Variants in IFT88 observed in about 807,000 individuals in gnomAD.
IFT88 encodes the protein intraflagellar transport protein 88 homolog.
IFT88 carries 74 observed loss-of-function variants against 119.5 expected under a neutral mutation model. The ratio of observed to expected loss-of-function variants is 0.62; its 90% CI spans 0.51 to 0.75. IFT88 has a LOEUF of 0.75. Ranked by LOEUF, IFT88 falls within the 30% of genes least tolerant of loss-of-function variation. The pLI is 0.00. For missense variants in IFT88, 961 were observed against 977.7 expected (o/e 0.98, Z 0.23); for synonymous variants, 279 against 316.7 (o/e 0.88, Z 1.26).
intron 8 of IFT88, among the ~76,000 whole-genome samples, chr13:20,596,811 A>G (rs531446408): frequency 6.6e-5 from 10 of 152,284 alleles, no homozygotes; most frequent in African/African-American, 2.4e-4. Context: ...TGCTTTTACT[A>G]CTCATAGAAC....
intron 15 of IFT88, among the ~76,000 whole-genome samples, chr13:20,628,015 T>G (rs180853524): frequency 1.4e-4 from 22 of 152,310 alleles, no homozygotes; most frequent in African/African-American, 4.8e-4. Flanking sequence ...GTTTGTATAT[T>G]GTAAGTATTA....
chr13:20,661,761 C>T (rs761224552), intron 22 of IFT88, among the ~76,000 whole-genome samples: 1 of 151,300 alleles, frequency 6.6e-6, no homozygotes, highest in Non-Finnish European at 1.5e-5. Flanking sequence ...TATAAATGTA[C>T]AAGAACAAAG....
chr13:20,672,527 C>T (rs1213376171), intron 24 of IFT88, among the ~76,000 whole-genome samples: 1 of 152,136 alleles, frequency 6.6e-6, no homozygotes, highest in Non-Finnish European at 1.5e-5. Context: ...TTAATGGATC[C>T]GTGTGACTAT....
intron 16 of IFT88, 45 bp from the exon 17 acceptor site, chr13:20,638,287 G>A (rs746404271): frequency 3.9e-6 from 4 of 1,019,960 alleles, no homozygotes; most frequent in Non-Finnish European, 5.3e-6. Context: ...AGTCAGAAAA[G>A]GTATTTCATG....
At chr13:20,581,820 T>G (rs2038721601) in intron 2 of IFT88, among the ~76,000 whole-genome samples, 1 of 145,210 alleles carries the variant, frequency 6.9e-6, no homozygotes, top group African/African-American at 2.6e-5. Flanking sequence ...ACCACTGTAC[T>G]CCAGCTTGGA....
intron 17 of IFT88, among the ~76,000 whole-genome samples, chr13:20,640,550 G>A (rs2049747967): frequency 6.6e-6 from 1 of 150,724 alleles, no homozygotes; most frequent in Admixed American, 6.6e-5. Flanking sequence ...TCCAGCCTGG[G>A]CGACAGAGCG....
At chr13:20,645,053 G>C in intron 20 of IFT88, 95 bp downstream of exon 20, 1 of 555,994 alleles carries the variant, frequency 1.8e-6, no homozygotes, top group East Asian at 2.8e-5. Context: ...GTAAATTCAA[G>C]AACAGATGTT....
At chr13:20,645,595 A>ATT (rs2050621289) in intron 20 of IFT88, among the ~76,000 whole-genome samples, 1 of 152,170 alleles carries the variant, frequency 6.6e-6, no homozygotes, top group South Asian at 2.1e-4. Flanking sequence ...TTCATCTCTA[A>ATT]AAGAGTCTTA....
At chr13:20,656,471 CTCA>C (rs1437417446) in intron 22 of IFT88, 41 bp downstream of exon 22, 1 of 962,596 alleles carries the variant, frequency 1.0e-6, no homozygotes, top group Non-Finnish European at 1.6e-6. Context: ...GTGATAAGTT[CTCA>C]TATTTTATGT....
chr13:20,627,838 G>T (rs1219665764), intron 15 of IFT88, among the ~76,000 whole-genome samples: 1 of 150,292 alleles, frequency 6.7e-6, no homozygotes, highest in Non-Finnish European at 1.5e-5. Flanking sequence ...GTTAAAACCT[G>T]TTGAACTCAG....
chr13:20,585,664 A>G (rs188635715), intron 3 of IFT88, among the ~76,000 whole-genome samples: 2 of 152,322 alleles, frequency 1.3e-5, no homozygotes, highest in Non-Finnish European at 2.9e-5. Flanking sequence ...TAGACTGACC[A>G]GTGGCCAAAG....
At chr13:20,654,077 C>T (rs1181892924) in intron 21 of IFT88, 149 bp downstream of exon 21, 6 of 425,598 alleles carry the variant, frequency 1.4e-5, no homozygotes, top group Non-Finnish European at 2.5e-5. Context: ...GTATGAAAAA[C>T]ACAATAATTA....
intron 16 of IFT88, among the ~76,000 whole-genome samples, chr13:20,633,947 G>A (rs1313020901): frequency 6.6e-6 from 1 of 152,166 alleles, no homozygotes; most frequent in South Asian, 2.1e-4. Context: ...TCACCTGGAT[G>A]CTTCTTTTAC....
chr13:20,567,884 G>A, intron 1 of IFT88: 1 of 626,418 alleles, frequency 1.6e-6, no homozygotes, highest in East Asian at 3.1e-5. Flanking sequence ...TTTTTTTCGA[G>A]AAACTGCAGT....
At chr13:20,609,326 A>G (rs2044055414) in intron 13 of IFT88, among the ~76,000 whole-genome samples, 1 of 152,218 alleles carries the variant, frequency 6.6e-6, no homozygotes, top group African/African-American at 2.4e-5. Flanking sequence ...TGTTTTGCAT[A>G]ATAGACAAGA....
At chr13:20,597,147 T>G in intron 9 of IFT88, 28 bp downstream of exon 9, 1 of 1,343,062 alleles carries the variant, frequency 7.4e-7, no homozygotes, top group Non-Finnish European at 1.0e-6. Flanking sequence ...ACACAATTTT[T>G]AAATAAAATT....
chr13:20,627,081 A>C (rs1194132275), intron 15 of IFT88, among the ~76,000 whole-genome samples: 1 of 152,226 alleles, frequency 6.6e-6, no homozygotes, highest in African/African-American at 2.4e-5. Flanking sequence ...TTCACGAAAT[A>C]AATACATATA....
At chr13:20,678,989 G>C (rs947275133) in intron 24 of IFT88, among the ~76,000 whole-genome samples, 1 of 152,146 alleles carries the variant, frequency 6.6e-6, no homozygotes, top group Non-Finnish European at 1.5e-5. Context: ...AAGCACTTCA[G>C]TTCCTGGCAT....
In IFT88 at chr13:20,662,351, C is replaced by T. The variant is rs1251277833; in HGVS notation, c.2069-1147C>T. On this transcript the variant is annotated intron_variant, in intron 22 of 25. Transcript: ENST00000351808. The stretch of plus-strand genomic sequence containing the variant: ...AAAAAAGTCCAGGACCAGACAGATT[C>T]ACAGCCAAATTCTACCAGAGGTGCA... Among the ~76,000 whole-genome samples the T allele has an allele frequency of 3.9e-5, 6 of 152,100 alleles. No homozygotes were observed. The East Asian group carries it at 1.2e-3, about 29-fold the overall frequency.
Sources: allele counts gnomAD v4.1 joint callset (sites outside exome capture counted in the v4.1 genomes callset), GRCh38; gene constraint gnomAD v4.1.1; transcripts MANE v1.5; gene names NCBI Gene and HGNC (gene_info 2026-07-23, HGNC 2026-07-21).